Variants in ITGAE observed in about 807,000 individuals in gnomAD.
The protein encoded by ITGAE is integrin subunit alpha E, also known as integrin alpha-E.
Under a neutral mutation model 136.5 loss-of-function variants are expected in ITGAE, and 99 were observed. That is an observed-to-expected ratio of 0.73 (90% CI 0.62 to 0.86). The LOEUF is 0.86. Among genes scored for constraint, ITGAE ranks in the 40% least tolerant of loss-of-function variants. ITGAE has a pLI of 0.00. For synonymous variants in ITGAE, 613 were observed against 591.8 expected, an observed-to-expected ratio of 1.04 and a Z score of -0.52; for missense variants, 1,447 against 1,515.3, an observed-to-expected ratio of 0.95 and a Z score of 0.75.
chr17:3,768,137 T>C (rs2052341313), intron 2 of ITGAE, among the ~76,000 whole-genome samples: 1 of 151,936 alleles, frequency 6.6e-6, no homozygotes, highest in East Asian at 1.9e-4. Context: ...ATGTAATTTT[T>C]TTTTTAAGAC....
intron 2 of ITGAE, among the ~76,000 whole-genome samples, chr17:3,769,176 C>A (rs936665287): frequency 6.6e-6 from 1 of 152,132 alleles, no homozygotes; most frequent in Admixed American, 6.5e-5. Flanking sequence ...CGCCTCCAGT[C>A]TCTCTCCTCC....
At chr17:3,722,741 T>TG (rs924472527) in intron 28 of ITGAE, among the ~76,000 whole-genome samples, 19 of 152,336 alleles carry the variant, frequency 1.2e-4, no homozygotes, top group African/African-American at 4.3e-4. Flanking sequence ...TGCCTTGCTC[T>TG]GGCCATGAAA....
intron 2 of ITGAE, among the ~76,000 whole-genome samples, chr17:3,772,827 G>A (rs2052458126): frequency 6.6e-6 from 1 of 152,144 alleles, no homozygotes; most frequent in Non-Finnish European, 1.5e-5. Flanking sequence ...AATGATGTAG[G>A]AAACGTCGAG....
chr17:3,743,847 T>C (rs2051649069), intron 18 of ITGAE, among the ~76,000 whole-genome samples: 1 of 151,064 alleles, frequency 6.6e-6, no homozygotes, highest in Non-Finnish European at 1.5e-5. Flanking sequence ...GGATGACAGG[T>C]GTGTGCTACC....
intron 2 of ITGAE, among the ~76,000 whole-genome samples, chr17:3,772,283 T>C (rs2052442973): frequency 6.6e-6 from 1 of 152,124 alleles, no homozygotes; most frequent in Non-Finnish European, 1.5e-5. Context: ...ACTCTTGTCA[T>C]CGTCTAGCTT....
chr17:3,771,682 G>T (rs886588127), intron 2 of ITGAE, among the ~76,000 whole-genome samples: 1 of 151,666 alleles, frequency 6.6e-6, no homozygotes, highest in African/African-American at 2.4e-5. Flanking sequence ...GATTACAAGC[G>T]CCCACCACCA....
intron 28 of ITGAE, among the ~76,000 whole-genome samples, chr17:3,721,175 C>A (rs2051041979): frequency 6.6e-6 from 1 of 151,908 alleles, no homozygotes; most frequent in Admixed American, 6.6e-5. Context: ...GCAATCCACC[C>A]ACCTTAGCCT....
intron 4 of ITGAE, 71 bp from the exon 5 acceptor site, chr17:3,761,591 A>T: frequency 7.1e-7 from 1 of 1,403,164 alleles, no homozygotes; most frequent in Non-Finnish European, 9.8e-7. Context: ...CCACATTCTC[A>T]CCCCCATTCC....
intron 16 of ITGAE, among the ~76,000 whole-genome samples, chr17:3,749,169 A>G (rs2051795892): frequency 6.7e-6 from 1 of 150,016 alleles, no homozygotes; most frequent in South Asian, 2.1e-4. Flanking sequence ...TGCTGGGTGG[A>G]TGATGATGCC....
At chr17:3,719,727 A>ATTTATTTATT (rs1555572932) in intron 29 of ITGAE, among the ~76,000 whole-genome samples, 1 of 151,590 alleles carries the variant, frequency 6.6e-6, no homozygotes, top group Admixed American at 6.6e-5. Context: ...TTCATTTTTT[A>ATTTATTTATT]TTTATTTATT....
intron 1 of ITGAE, among the ~76,000 whole-genome samples, chr17:3,790,523 C>T (rs1280150334): frequency 1.3e-5 from 2 of 151,568 alleles, no homozygotes; most frequent in Non-Finnish European, 1.5e-5. Context: ...CACACACACA[C>T]ACACACACAA....
At chr17:3,780,433 G>C (rs1250976046) in intron 1 of ITGAE, among the ~76,000 whole-genome samples, 1 of 152,030 alleles carries the variant, frequency 6.6e-6, no homozygotes, top group Non-Finnish European at 1.5e-5. Flanking sequence ...AAAGTGCTGG[G>C]ATTACAGGCG....
intron 2 of ITGAE, among the ~76,000 whole-genome samples, chr17:3,776,494 G>T (rs1567551003): frequency 6.6e-6 from 1 of 152,238 alleles, no homozygotes. Context: ...AGGCTATGCG[G>T]CAAATCCACG....
chr17:3,740,336 T>C (rs2051554828), intron 19 of ITGAE, among the ~76,000 whole-genome samples: 1 of 152,232 alleles, frequency 6.6e-6, no homozygotes, highest in African/African-American at 2.4e-5. Flanking sequence ...GTCCAGGCCT[T>C]GGAGGTTCCT....
intron 23 of ITGAE, 199 bp from the exon 24 acceptor site, chr17:3,729,754 C>T: frequency 2.0e-6 from 1 of 493,966 alleles, no homozygotes; most frequent in Non-Finnish European, 3.8e-6. Flanking sequence ...GCCACCATAC[C>T]CAGTTAATTT....
chr17:3,767,689 T>C (rs991664702), intron 2 of ITGAE, among the ~76,000 whole-genome samples: 1 of 152,180 alleles, frequency 6.6e-6, no homozygotes, highest in African/African-American at 2.4e-5. Context: ...AGTAGTGTGA[T>C]CACAGCTCAC....
At chr17:3,724,634 G>A (rs1407216303) in intron 26 of ITGAE, 6 of 1,614,212 alleles carry the variant, frequency 3.7e-6, no homozygotes, top group South Asian at 2.2e-5. Context: ...ACACCAGGAT[G>A]GTCCACCAAA....
At chr17:3,787,013 A>T (rs1261617443) in intron 1 of ITGAE, among the ~76,000 whole-genome samples, 1 of 152,224 alleles carries the variant, frequency 6.6e-6, no homozygotes, top group African/African-American at 2.4e-5. Context: ...AAGGATTAAA[A>T]ATCATATGAT....
Position 3,720,355 on chromosome 17 carries a change from G to C in ITGAE, c.3285C>G (p.Phe1095Leu). 3.1e-6 allele frequency: 5 copies of C among 1,590,590 alleles called. No homozygotes were observed. Among genetic ancestry groups the C allele is most frequent in the Non-Finnish European group, 4.3e-6 (5 of 1,158,668 alleles). Residue 1095 changes from phenylalanine (F) to leucine (L), a missense_variant, in exon 29 of 31, where the codon TTC becomes TTG. Physicochemically the swap from Phe to Leu is conservative, Grantham distance 22. Transcript: ENST00000263087. The part of the protein sequence containing the change: ...TELQILGEIS[F>L]NKSLYEGLNA... Reference sequence around the variant, plus strand: ...TCAGTCCCTCATATAGAGATTTGTTGAAAGATATTTCACCAAGGATCTGCA... The same window carrying C: ...TCAGTCCCTCATATAGAGATTTGTTCAAAGATATTTCACCAAGGATCTGCA...
Sources: allele counts gnomAD v4.1 joint callset (sites outside exome capture counted in the v4.1 genomes callset), GRCh38; gene constraint gnomAD v4.1.1; transcripts MANE v1.5; gene names NCBI Gene and HGNC (gene_info 2026-07-23, HGNC 2026-07-21).